CROCC: variants seen among roughly 807,000 people sequenced by gnomAD.
The protein encoded by CROCC is rootletin.
Under a neutral mutation model 245.2 loss-of-function variants are expected in CROCC, and 180 were observed. The ratio of observed to expected loss-of-function variants is 0.73; its 90% CI spans 0.65 to 0.83. The LOEUF (loss-of-function observed/expected upper bound fraction) is 0.83, where lower values mean the gene tolerates loss of function less well. Ranked by LOEUF, CROCC falls within the 40% of genes least tolerant of loss-of-function variation. The pLI is 0.00. For missense variants in CROCC, 2,688 were observed against 2,779.4 expected (o/e 0.97, Z 0.74); for synonymous variants, 1,205 against 1,241.6 (o/e 0.97, Z 0.62).
rs767393430 is a variant in CROCC, at chr1:16,953,290, C to G, written c.3007-12C>G. 1.3e-6 allele frequency: 2 copies of G among 1,570,280 alleles called. No individual in the cohort carries two copies. Among genetic ancestry groups the G allele is most frequent in the Non-Finnish European group, 1.7e-6 (2 of 1,160,154 alleles). Reference sequence around the variant, plus strand: ...CCTGGTGTGTCACAGGCATCCGGTCCTGGCCCCCTAGGAGGCAGCATGGCG... The same window carrying G: ...CCTGGTGTGTCACAGGCATCCGGTCGTGGCCCCCTAGGAGGCAGCATGGCG... On this transcript the variant is annotated splice_polypyrimidine_tract_variant and intron_variant, in intron 20 of 36. Coordinates refer to ENST00000375541, the MANE Select transcript of CROCC (RefSeq NM_014675.5).
chr1:16,916,243 G>T (rs1570563668), intron 1 of CROCC, among the ~76,000 whole-genome samples: 1 of 152,258 alleles, frequency 6.6e-6, no homozygotes, highest in African/African-American at 2.4e-5. Flanking sequence ...GTGGAGTGGG[G>T]CCAGATCTGG....
intron 2 of CROCC, among the ~76,000 whole-genome samples, chr1:16,923,453 G>A (rs1397550323): frequency 6.6e-6 from 1 of 152,276 alleles, no homozygotes; most frequent in Non-Finnish European, 1.5e-5. Flanking sequence ...GACACCTGGG[G>A]TGTATGTCCA....
intron 25 of CROCC, among the ~76,000 whole-genome samples, chr1:16,957,214 C>T (rs1456922174): frequency 1.3e-5 from 2 of 152,042 alleles, no homozygotes; most frequent in Non-Finnish European, 2.9e-5. Flanking sequence ...CAAGACCAGC[C>T]CAGGCAACAT....
intron 8 of CROCC, among the ~76,000 whole-genome samples, chr1:16,936,374 T>C (rs2075787822): frequency 6.6e-6 from 1 of 152,276 alleles, no homozygotes; most frequent in African/African-American, 2.4e-5. Context: ...TTCAAGCAAT[T>C]CTCCTACCTC....
Position 16,966,073 on chromosome 1 carries a change from C to T in CROCC, c.4650C>T (p.Thr1550=), listed in dbSNP as rs77868970. 1.3e-3 allele frequency: 2,036 copies of T among 1,613,676 alleles called. 34 individuals are homozygous for T. The African/African-American group carries it at 0.025, about 20-fold the overall frequency. The change falls in exon 29 of 37, where the codon ACC becomes ACT. Residue 1550 remains threonine (T), a synonymous_variant. Coordinates refer to ENST00000375541, the MANE Select transcript of CROCC (RefSeq NM_014675.5). This position sits in a 1 kb window ranked among gnomAD's most constrained non-coding sequence, Gnocchi z 4.8. The part of the protein sequence containing the change: ...AEMEAERDSA[T]SRARQLQKAV... Reference sequence around the variant, plus strand: ...TGGAGGCTGAGAGGGACAGCGCAACCTCGAGGGCCAGGCAGCTGCAGAAGG... The same window carrying T: ...TGGAGGCTGAGAGGGACAGCGCAACTTCGAGGGCCAGGCAGCTGCAGAAGG...
chr1:16,956,646 A>G (rs1308163065), intron 25 of CROCC, among the ~76,000 whole-genome samples: 7 of 152,148 alleles, frequency 4.6e-5, no homozygotes, highest in Non-Finnish European at 8.8e-5. Context: ...GGACACTGAA[A>G]TGTGAATTTT....
chr1:16,955,235 A>G (rs2076229762), intron 23 of CROCC, 77 bp from the exon 24 acceptor site: 2 of 1,437,740 alleles, frequency 1.4e-6, no homozygotes, highest in Non-Finnish European at 9.6e-7. Context: ...CCCTGGGTCC[A>G]GGGATCTGGG....
chr1:16,952,194 G>C (rs2076173075), intron 20 of CROCC, among the ~76,000 whole-genome samples: 1 of 144,240 alleles, frequency 6.9e-6, no homozygotes, highest in Non-Finnish European at 1.5e-5. Flanking sequence ...TCTTAAAGAA[G>C]GGGCGGTTTG....
At chr1:16,962,534 CAAAAAAAA>C (rs1197806001) in intron 27 of CROCC, among the ~76,000 whole-genome samples, 1 of 21,882 alleles carries the variant, frequency 4.6e-5, no homozygotes, top group Non-Finnish European at 8.1e-5. Context: ...GACTCCGTCT[CAAAAAAAA>C]AAAAAAAAAA....
intron 21 of CROCC, chr1:16,953,758 A>G (rs2076203340): frequency 2.6e-6 from 1 of 387,396 alleles, no homozygotes; most frequent in Admixed American, 4.3e-5. Context: ...GTCCCACCCC[A>G]CGCTGGGCAT....
chr1:16,948,317 T>C lies in CROCC; in HGVS notation c.2515-14T>C. On this transcript the variant is annotated splice_polypyrimidine_tract_variant and intron_variant, in intron 17 of 36. Coordinates refer to ENST00000375541, the MANE Select transcript of CROCC (RefSeq NM_014675.5). ...GACGCTGGGAGTGCTACTCAGTCTCTGGGTGGGGGCCAGCTCTCCCGGCAG... is the reference window on the plus strand; with the variant it reads ...GACGCTGGGAGTGCTACTCAGTCTCCGGGTGGGGGCCAGCTCTCCCGGCAG... 1 of 1,551,826 alleles carries C rather than the reference T, an allele frequency of 6.4e-7. No homozygotes were observed. Among genetic ancestry groups the C allele is most frequent in the Non-Finnish European group, 8.7e-7 (1 of 1,154,446 alleles).
intron 3 of CROCC, among the ~76,000 whole-genome samples, chr1:16,926,436 C>A (rs2075536355): frequency 6.6e-6 from 1 of 152,264 alleles, no homozygotes; most frequent in Non-Finnish European, 1.5e-5. Flanking sequence ...GTCCCCATGG[C>A]CACAGGTGGC....
chr1:16,955,764 C>T (rs1473760228), intron 24 of CROCC, among the ~76,000 whole-genome samples: 1 of 152,092 alleles, frequency 6.6e-6, no homozygotes, highest in Non-Finnish European at 1.5e-5. Flanking sequence ...CAGACTCAGA[C>T]CCACCCACCG....
chr1:16,968,952 C>A, intron 31 of CROCC, 164 bp from the exon 32 acceptor site: 1 of 755,746 alleles, frequency 1.3e-6, no homozygotes, highest in Non-Finnish European at 2.3e-6. Flanking sequence ...TGGCAGTAGG[C>A]TGAGCCAGCA....
In CROCC at chr1:16,939,039, G is replaced by T. The variant is rs773990250; in HGVS notation, c.1505G>T (p.Gly502Val). 1 of 1,592,712 alleles carries T rather than the reference G, an allele frequency of 6.3e-7. No individual in the cohort carries two copies. The part of the protein sequence containing the change: ...TPSPPRRSSP[G>V]RGRSPRRGPS... ...TCCCCACCGCGGCGCTCCTCGCCCG[G>T]CCGAGGCCGTTCACCCCGCCGAGGC... is the stretch of plus-strand genomic sequence containing the variant. The change falls in exon 12 of 37, where the codon GGC (glycine) becomes GTC (valine). Residue 502 changes from glycine (G) to valine (V), a missense_variant. This residue lies in a region of CROCC where 972 missense variants were observed against 895.3 expected (regional missense o/e 1.09). Transcript: ENST00000375541.
intron 8 of CROCC, among the ~76,000 whole-genome samples, chr1:16,933,566 CTTTT>C (rs1348828976): frequency 6.6e-6 from 1 of 152,206 alleles, no homozygotes; most frequent in Admixed American, 6.5e-5. Context: ...TTTGCTTTGT[CTTTT>C]TTTTCTTTTT....
At chr1:16,969,420 TAGAG>T (rs1411942442) in intron 32 of CROCC, 80 bp downstream of exon 32, 10 of 1,391,450 alleles carry the variant, frequency 7.2e-6, no homozygotes, top group Non-Finnish European at 8.9e-6. Flanking sequence ...GGGGCCCTGG[TAGAG>T]AGCCAGCCAA....
Position 16,939,082 on chromosome 1 carries a change from A to C in CROCC, c.1548A>C (p.Ser516=), listed in dbSNP as rs2075860000. The C allele has an allele frequency of 6.3e-7, 1 of 1,583,064 alleles. No individual in the cohort carries two copies. Among genetic ancestry groups the C allele is most frequent in the Admixed American group, 1.8e-5 (1 of 55,108 alleles). ...SPRRGPSPAC[S]DSSTLALIHS... is the part of the protein sequence containing the mutation. ...GCCGAGGCCCCTCCCCGGCCTGCTC[A>C]GACTCCTCCACGCTCGCCCTGATCC... is the stretch of plus-strand genomic sequence containing the variant. The change falls in exon 12 of 37, where the codon TCA becomes TCC. Residue 516 remains serine, a synonymous_variant. Coordinates refer to ENST00000375541, the MANE Select transcript of CROCC (RefSeq NM_014675.5).
intron 13 of CROCC, 49 bp downstream of exon 13, chr1:16,940,142 T>C: frequency 6.5e-7 from 1 of 1,546,442 alleles, no homozygotes; most frequent in Non-Finnish European, 8.7e-7. Context: ...AGTCACCGTC[T>C]GGGCATAACA....
Sources: gnomAD v4.1 joint callset for allele counts (sites outside exome capture counted in the v4.1 genomes callset) on GRCh38, gnomAD v4.1.1 for gene constraint, gnomAD v4.1.1 regional missense constraint, Gnocchi (gnomAD v3.1) non-coding constraint, MANE v1.5 for transcripts, NCBI Gene and HGNC (gene_info 2026-07-23, HGNC 2026-07-21) for gene names.